Variants in NEURL1 observed in about 807,000 individuals in gnomAD.
NEURL1 encodes neuralized E3 ubiquitin protein ligase 1.
A neutral mutation model predicts 41.2 loss-of-function variants in NEURL1; 26 were observed. The ratio of observed to expected loss-of-function variants is 0.63; its 90% CI spans 0.46 to 0.87. The LOEUF (loss-of-function observed/expected upper bound fraction) is 0.87, where lower values mean the gene tolerates loss of function less well. Ranked by LOEUF, NEURL1 falls within the 40% of genes least tolerant of loss-of-function variation. NEURL1 has a pLI of 0.00. For missense variants in NEURL1, 761 were observed against 871.1 expected (o/e 0.87, Z 1.59); for synonymous variants, 400 against 402.3 (o/e 0.99, Z 0.07).
intron 2 of NEURL1, 129 bp from the exon 3 acceptor site, chr10:103,571,372 G>A: frequency 9.2e-7 from 1 of 1,086,724 alleles, no homozygotes; most frequent in Non-Finnish European, 1.3e-6. Context: ...GGGCTCCTGG[G>A]AGGGAACTGT....
At position 103,584,523 on chromosome 10, in the gene NEURL1, G is replaced by T. The variant is rs532644935; in HGVS notation, c.650-13G>T. Reference sequence around the variant, plus strand: ...AGAGCCCTGCGTGACACTGCCCCGTGTCTCCCGCGCAGATAGCGAGCTGGT... The same window carrying T: ...AGAGCCCTGCGTGACACTGCCCCGTTTCTCCCGCGCAGATAGCGAGCTGGT... On this transcript the variant is annotated splice_polypyrimidine_tract_variant and intron_variant, in intron 3 of 5. Transcript: ENST00000369780. The T allele has an allele frequency of 3.0e-6, 4 of 1,344,442 alleles. No homozygotes were observed. Among genetic ancestry groups the T allele is most frequent in the Non-Finnish European group, 1.9e-6 (2 of 1,052,524 alleles). 83.3% of individuals were successfully genotyped at this position (1,344,442 alleles called of 1,614,324 possible).
intron 1 of NEURL1, among the ~76,000 whole-genome samples, chr10:103,513,967 C>T (rs1026282514): frequency 2.6e-5 from 4 of 152,032 alleles, no homozygotes; most frequent in African/African-American, 4.8e-5. Flanking sequence ...GCCCTGACCC[C>T]GCTGTTGTCA....
At chr10:103,586,931 A>T (rs903833789) in intron 4 of NEURL1, among the ~76,000 whole-genome samples, 3 of 152,080 alleles carry the variant, frequency 2.0e-5, no homozygotes, top group African/African-American at 7.2e-5. Context: ...CACGCCTGTA[A>T]GCCCAGCTAC....
intron 3 of NEURL1, among the ~76,000 whole-genome samples, chr10:103,578,063 T>C (rs937172478): frequency 1.1e-4 from 17 of 152,096 alleles, no homozygotes; most frequent in Middle Eastern, 3.4e-3. Flanking sequence ...CCTTGCAGTA[T>C]TGGGGACAAT....
At chr10:103,503,709 T>C (rs947237391) in intron 1 of NEURL1, among the ~76,000 whole-genome samples, 2 of 151,354 alleles carry the variant, frequency 1.3e-5, no homozygotes, top group Non-Finnish European at 2.9e-5. Context: ...GGAACAAAAA[T>C]GACAAATGCA....
At chr10:103,560,729 G>T (rs1377100933) in intron 1 of NEURL1, among the ~76,000 whole-genome samples, 1 of 152,152 alleles carries the variant, frequency 6.6e-6, no homozygotes, top group African/African-American at 2.4e-5. Flanking sequence ...CAGTTAGCTA[G>T]CTGGAGCCCG....
intron 1 of NEURL1, among the ~76,000 whole-genome samples, chr10:103,548,260 C>T (rs191757349): frequency 8.0e-4 from 122 of 152,252 alleles, no homozygotes; most frequent in Non-Finnish European, 4.4e-4. Context: ...GCAGAGTAAG[C>T]GGGTACCGAG....
At chr10:103,542,512 G>A (rs1021942677) in intron 1 of NEURL1, among the ~76,000 whole-genome samples, 3 of 152,002 alleles carry the variant, frequency 2.0e-5, no homozygotes, top group Non-Finnish European at 4.4e-5. Context: ...ATCCTCCTGC[G>A]TCAGCCTCCC....
At position 103,558,718 on chromosome 10, in the gene NEURL1, G is replaced by A. The variant is rs564016469; in HGVS notation, c.86-12154G>A. On this transcript the variant is annotated intron_variant, in intron 1 of 5. Transcript: ENST00000369780. The surrounding 1 kb of genome is among the most constrained non-coding windows in gnomAD (Gnocchi z 4.2). ...GTCTTGAGAGCAGGCTGACAGGGGCGGGAAGGGTAGTGCGAAGAGGGAGGC... is the reference window on the plus strand; with the variant it reads ...GTCTTGAGAGCAGGCTGACAGGGGCAGGAAGGGTAGTGCGAAGAGGGAGGC... Among the ~76,000 whole-genome samples, 47 of 152,186 alleles carry A rather than the reference G, an allele frequency of 3.1e-4. No individual in the cohort carries two copies. The highest frequency in any genetic ancestry group is 4.1e-4 in the Non-Finnish European group (28 of 68,028).
At position 103,545,739 on chromosome 10, in the gene NEURL1, C is replaced by T. The variant is rs2034911546; in HGVS notation, c.86-25133C>T. 6.6e-6 allele frequency among the ~76,000 whole-genome samples: 1 copy of T among 152,240 alleles called. No homozygotes were observed. Among genetic ancestry groups the T allele is most frequent in the African/African-American group, 2.4e-5 (1 of 41,460 alleles). On this transcript the variant is annotated intron_variant, in intron 1 of 5. Transcript: ENST00000369780. This position sits in a 1 kb window ranked among gnomAD's most constrained non-coding sequence, Gnocchi z 4.5. Reference sequence around the variant, plus strand: ...CCTCTGCTCCTGCAAGGGACTGCCACACCCTTTTTCTTTCTGGAGCATTTT... The same window carrying T: ...CCTCTGCTCCTGCAAGGGACTGCCATACCCTTTTTCTTTCTGGAGCATTTT...
intron 1 of NEURL1, among the ~76,000 whole-genome samples, chr10:103,523,757 T>C (rs2034404739): frequency 6.6e-6 from 1 of 152,264 alleles, no homozygotes; most frequent in Non-Finnish European, 1.5e-5. Flanking sequence ...TCATTCATAT[T>C]GCCATGAATG....
At position 103,538,937 on chromosome 10, in the gene NEURL1, G is replaced by A. The variant is rs374892857; in HGVS notation, c.86-31935G>A. Among the ~76,000 whole-genome samples, 154 of 138,538 alleles carry A rather than the reference G, an allele frequency of 1.1e-3. 1 individual carries two copies. Among genetic ancestry groups the A allele is most frequent in the African/African-American group, 4.3e-3 (149 of 34,548 alleles). The allele number at this position is 138,538 out of a possible 152,430, so 90.9% of individuals were successfully genotyped here. A position where few individuals can be genotyped will look rare whatever the true frequency, so the allele number is the denominator to read the frequency against. On this transcript the variant is annotated intron_variant, in intron 1 of 5. Transcript: ENST00000369780. ...GCTGGGATTACAGGCATGAGCCACC[G>A]CACCCGTTTTTTTTTTTTTTTCTTT...
chr10:103,537,059 C>A (rs938025803), intron 1 of NEURL1, among the ~76,000 whole-genome samples: 1 of 152,172 alleles, frequency 6.6e-6, no homozygotes, highest in African/African-American at 2.4e-5. Context: ...AGCATAATGT[C>A]CTCAAAATTC....
chr10:103,523,153 A>C (rs1285709775), intron 1 of NEURL1, among the ~76,000 whole-genome samples: 1 of 152,096 alleles, frequency 6.6e-6, no homozygotes, highest in African/African-American at 2.4e-5. Flanking sequence ...CCACTCTCCT[A>C]GCTATTTGAA....
chr10:103,584,574 T>C lies in NEURL1; in HGVS notation c.688T>C (p.Ser230Pro). 1 of 1,416,064 alleles carries C rather than the reference T, an allele frequency of 7.1e-7. No individual in the cohort carries two copies. 87.7% of individuals were successfully genotyped at this position (1,416,064 alleles called of 1,614,324 possible). ...LVLPDCLRPR[S>P]FTALRRPSLR... ...GCTCCCGGACTGTCTGCGGCCGCGC[T>C]CCTTCACCGCCCTGCGGCGGCCGTC... The change falls in exon 4 of 6, where the codon TCC becomes CCC. Residue 230 changes from serine to proline, a missense_variant. This residue lies in a region of NEURL1 where 114 missense variants were observed against 144.8 expected (regional missense o/e 0.79). Coordinates refer to ENST00000369780, the MANE Select transcript of NEURL1 (RefSeq NM_004210.5).
chr10:103,588,522 A>T (rs1245942864), intron 4 of NEURL1, among the ~76,000 whole-genome samples: 1 of 152,140 alleles, frequency 6.6e-6, no homozygotes, highest in Non-Finnish European at 1.5e-5. Context: ...CTGGACAGCC[A>T]GCTCTTTGAA....
intron 3 of NEURL1, among the ~76,000 whole-genome samples, chr10:103,574,545 G>A (rs938289321): frequency 2.6e-5 from 4 of 152,248 alleles, no homozygotes; most frequent in African/African-American, 9.6e-5. Flanking sequence ...AAAGGAGGCA[G>A]GAAGTCAGAG....
intron 1 of NEURL1, among the ~76,000 whole-genome samples, chr10:103,565,076 T>A (rs1247064640): frequency 6.6e-6 from 1 of 151,742 alleles, no homozygotes; most frequent in African/African-American, 2.4e-5. Flanking sequence ...AGCCGCAGGG[T>A]GGACAGGAGA....
rs750040575 is a variant in NEURL1, at chr10:103,494,474, T to TAGGC, written c.85+3_85+6dup. The TAGGC allele has an allele frequency of 7.3e-5, 114 of 1,564,548 alleles. No homozygotes were observed. Among genetic ancestry groups the TAGGC allele is most frequent in the Non-Finnish European group, 8.7e-6 (10 of 1,155,602 alleles). On this transcript the variant is annotated splice_region_variant and intron_variant, in intron 1 of 5. Coordinates refer to ENST00000369780, the MANE Select transcript of NEURL1 (RefSeq NM_004210.5). ...GGGGCCACCCCCAGAACCTCAAAGG[T>TAGGC]AGGCTCCCCGGCCGAGCGCTGCTGG...
Sources: allele counts gnomAD v4.1 joint callset (sites outside exome capture counted in the v4.1 genomes callset), GRCh38; gene constraint gnomAD v4.1.1; regional missense constraint gnomAD v4.1.1; non-coding constraint Gnocchi (gnomAD v3.1); transcripts MANE v1.5; gene names NCBI Gene and HGNC (gene_info 2026-07-23, HGNC 2026-07-21).